Variants in LNX2 observed in about 807,000 individuals in gnomAD.
The protein encoded by LNX2 is ligand of Numb protein X 2.
A neutral mutation model predicts 66.2 loss-of-function variants in LNX2; 35 were observed. That is an observed-to-expected ratio of 0.53 (90% CI 0.40 to 0.70). LNX2 has a LOEUF of 0.70. Ranked by LOEUF, LNX2 falls within the 30% of genes least tolerant of loss-of-function variation. The pLI is 0.00. For missense variants in LNX2, 791 were observed against 850.8 expected (o/e 0.93, Z 0.87); for synonymous variants, 337 against 315.6 (o/e 1.07, Z -0.72).
chr13:27,576,266 A>C (rs1057243214), intron 2 of LNX2, among the ~76,000 whole-genome samples: 1 of 152,224 alleles, frequency 6.6e-6, no homozygotes, highest in Non-Finnish European at 1.5e-5. Flanking sequence ...TAACAGAACA[A>C]CTAGACATGG....
At chr13:27,581,146 C>CAA in intron 2 of LNX2, 151 bp downstream of exon 2, 1 of 522,120 alleles carries the variant, frequency 1.9e-6, no homozygotes, top group Non-Finnish European at 3.2e-6. Flanking sequence ...AATACTGTTC[C>CAA]ATACAACTTA....
At chr13:27,582,676 G>A (rs1269716511) in intron 1 of LNX2, among the ~76,000 whole-genome samples, 2 of 152,220 alleles carry the variant, frequency 1.3e-5, no homozygotes, top group East Asian at 3.9e-4. Context: ...TCACTCATAA[G>A]TGGGAGTTGA....
intron 1 of LNX2, among the ~76,000 whole-genome samples, chr13:27,604,851 T>C (rs920593253): frequency 1.5e-5 from 2 of 136,674 alleles, no homozygotes; most frequent in South Asian, 2.4e-4. Flanking sequence ...GTTATTTCTA[T>C]TTAATTTTTT....
At chr13:27,612,475 GT>G (rs1955783067) in intron 1 of LNX2, among the ~76,000 whole-genome samples, 1 of 152,226 alleles carries the variant, frequency 6.6e-6, no homozygotes, top group South Asian at 2.1e-4. Flanking sequence ...GACTAGGGCA[GT>G]TTCCCTTCTC....
rs934839410 is a variant in LNX2, at chr13:27,546,832, A to T, written c.*1503T>A. 6.6e-6 allele frequency: 1 copy of T among 152,188 alleles called. No individual in the cohort carries two copies. Among genetic ancestry groups the T allele is most frequent in the African/African-American group, 2.4e-5 (1 of 41,452 alleles). 9.4% of individuals were successfully genotyped at this position (152,188 alleles called of 1,614,324 possible). ...ATATTAATAAGGTAAAGATATTTTTATCTTATTCACTTATTTATGTGTTCA... is the reference window on the plus strand; with the variant it reads ...ATATTAATAAGGTAAAGATATTTTTTTCTTATTCACTTATTTATGTGTTCA... On this transcript the variant is annotated 3_prime_UTR_variant, in exon 10 of 10. Transcript: ENST00000316334.
intron 1 of LNX2, among the ~76,000 whole-genome samples, chr13:27,590,527 C>T (rs894091614): frequency 6.6e-6 from 1 of 151,922 alleles, no homozygotes; most frequent in African/African-American, 2.4e-5. Flanking sequence ...CCATCCCCAG[C>T]CCGGTTTTTT....
intron 1 of LNX2, among the ~76,000 whole-genome samples, chr13:27,617,526 A>T (rs1362994270): frequency 1.3e-5 from 2 of 152,236 alleles, no homozygotes; most frequent in East Asian, 1.9e-4. Flanking sequence ...AGCCAACCAG[A>T]TTACAAGAGC....
In LNX2 at chr13:27,583,206, G is replaced by GTCCTCTCCAATATAAC. The variant is rs1566124658; in HGVS notation, c.-100-1404_-100-1403insGTTATATTGGAGAGGA. Among the ~76,000 whole-genome samples, 64 of 18,012 alleles carry GTCCTCTCCAATATAAC rather than the reference G, an allele frequency of 3.6e-3. 9 individuals carry two copies. Among genetic ancestry groups the GTCCTCTCCAATATAAC allele is most frequent in the African/African-American group, 0.016 (52 of 3,280 alleles). 11.8% of individuals were successfully genotyped at this position (18,012 alleles called of 152,430 possible). On this transcript the variant is annotated intron_variant, in intron 1 of 9. Coordinates refer to ENST00000316334, the MANE Select transcript of LNX2 (RefSeq NM_153371.4). The stretch of plus-strand genomic sequence containing the variant: ...TGTGTGTGTGTGTGTGTGTGTGTGT[G>GTCCTCTCCAATATAAC]TGTGTGTGTGTGTGTGTGTGTGTGT...
At chr13:27,596,604 T>C (rs1955601702) in intron 1 of LNX2, among the ~76,000 whole-genome samples, 2 of 152,242 alleles carry the variant, frequency 1.3e-5, no homozygotes, top group South Asian at 2.1e-4. Flanking sequence ...TTCTTCATTC[T>C]TCCCTTCCTC....
At chr13:27,566,991 T>C (rs1275788208) in intron 4 of LNX2, among the ~76,000 whole-genome samples, 2 of 152,266 alleles carry the variant, frequency 1.3e-5, no homozygotes, top group Admixed American at 6.5e-5. Context: ...TCTTGTCCCA[T>C]GCTAGTTATT....
rs545134505 is a variant in LNX2, at chr13:27,578,137, T to C, written c.407+3160A>G. On this transcript the variant is annotated intron_variant, in intron 2 of 9. Coordinates refer to ENST00000316334, the MANE Select transcript of LNX2 (RefSeq NM_153371.4). Reference sequence around the variant, plus strand: ...CTCTTCTCAAATCAAAACACATTTGTTAAGGGCAGGATTTCATTCAAATAG... The same window carrying C: ...CTCTTCTCAAATCAAAACACATTTGCTAAGGGCAGGATTTCATTCAAATAG... Among the ~76,000 whole-genome samples the C allele has an allele frequency of 1.8e-4, 28 of 152,332 alleles. No homozygotes were observed. In the East Asian group the frequency reaches 5.2e-3, roughly 28 times the overall value.
At chr13:27,594,529 T>C (rs535097772) in intron 1 of LNX2, among the ~76,000 whole-genome samples, 210 of 152,282 alleles carry the variant, frequency 1.4e-3, no homozygotes, top group African/African-American at 4.9e-3. Context: ...ATTTTCTTCA[T>C]TTGTATAGTT....
chr13:27,607,229 T>C (rs1307054061), intron 1 of LNX2, among the ~76,000 whole-genome samples: 2 of 152,168 alleles, frequency 1.3e-5, no homozygotes, highest in African/African-American at 2.4e-5. Flanking sequence ...AGCACAGAAA[T>C]AGACAAATTT....
chr13:27,614,495 T>C (rs1389496807), intron 1 of LNX2, among the ~76,000 whole-genome samples: 1 of 145,792 alleles, frequency 6.9e-6, no homozygotes, highest in African/African-American at 2.6e-5. Context: ...TCCCACCCCT[T>C]CCCCCAGACT....
chr13:27,556,977 T>G (rs1489038761), intron 6 of LNX2, among the ~76,000 whole-genome samples: 8 of 152,170 alleles, frequency 5.3e-5, no homozygotes, highest in African/African-American at 1.9e-4. Context: ...ATAAAATGAC[T>G]GAATTTTTGA....
intron 4 of LNX2, 143 bp downstream of exon 4, chr13:27,567,497 C>A: frequency 1.5e-6 from 1 of 676,706 alleles, no homozygotes. Flanking sequence ...ACAAATTACA[C>A]ATAAATTCTG....
intron 6 of LNX2, among the ~76,000 whole-genome samples, chr13:27,559,582 C>G (rs1440393289): frequency 6.6e-6 from 1 of 152,092 alleles, no homozygotes; most frequent in Non-Finnish European, 1.5e-5. Flanking sequence ...AATCGCCTGG[C>G]AAAGGAAACT....
At position 27,546,675 on chromosome 13, in the gene LNX2, C is replaced by T. The variant is rs1395900244; in HGVS notation, c.*1660G>A. On this transcript the variant is annotated 3_prime_UTR_variant, in exon 10 of 10. Coordinates refer to ENST00000316334, the MANE Select transcript of LNX2 (RefSeq NM_153371.4). ...GTTTCAAAATAAAGTGGTCATGCTTCATAATATATTGTACTGTAGTATTCT... is the reference window on the plus strand; with the variant it reads ...GTTTCAAAATAAAGTGGTCATGCTTTATAATATATTGTACTGTAGTATTCT... 1 of 152,140 alleles carries T rather than the reference C, an allele frequency of 6.6e-6. No homozygotes were observed. Among genetic ancestry groups the T allele is most frequent in the African/African-American group, 2.4e-5 (1 of 41,458 alleles). 9.4% of individuals were successfully genotyped at this position (152,140 alleles called of 1,614,324 possible).
At chr13:27,586,086 CTATA>C (rs1325432257) in intron 1 of LNX2, among the ~76,000 whole-genome samples, 1 of 141,420 alleles carries the variant, frequency 7.1e-6, no homozygotes, top group South Asian at 2.2e-4. Context: ...ATATCTATAT[CTATA>C]TAATATCTAA....
Sources: gnomAD v4.1 joint callset for allele counts (sites outside exome capture counted in the v4.1 genomes callset) on GRCh38, gnomAD v4.1.1 for gene constraint, MANE v1.5 for transcripts, NCBI Gene and HGNC (gene_info 2026-07-23, HGNC 2026-07-21) for gene names.